Variants in MRPL13 observed in about 807,000 individuals in gnomAD.
MRPL13 encodes the protein large ribosomal subunit protein uL13m.
Under a neutral mutation model 29.0 loss-of-function variants are expected in MRPL13, and 33 were observed. That is an observed-to-expected ratio of 1.14 (90% CI 0.86 to 1.52). The LOEUF (loss-of-function observed/expected upper bound fraction) is 1.52. Ranked by LOEUF, MRPL13 falls within the 40% of genes most tolerant of loss-of-function variation. The probability of loss-of-function intolerance (pLI) is 0.00; values close to 1 mark genes in which losing one functional copy is unlikely to be tolerated. For missense variants in MRPL13, 227 were observed against 216.7 expected (o/e 1.05, Z -0.30); for synonymous variants, 77 against 68.4 (o/e 1.13, Z -0.62).
intron 6 of MRPL13, among the ~76,000 whole-genome samples, chr8:120,405,932 G>A (rs912774828): frequency 6.6e-6 from 1 of 152,052 alleles, no homozygotes; most frequent in Non-Finnish European, 1.5e-5. Context: ...TAAATGAAAC[G>A]GCTTAATCTT....
At chr8:120,425,258 T>C (rs776082472) in intron 4 of MRPL13, 48 bp downstream of exon 4, 1 of 1,401,454 alleles carries the variant, frequency 7.1e-7, no homozygotes, top group East Asian at 2.3e-5. Flanking sequence ...AAACAGTATC[T>C]GAATTGGTCT....
rs55919521 is a variant in MRPL13 at position 120,407,648 on chromosome 8, TAAAACAAAACAAAACAAAAC to T, written c.515+6323_515+6342del. Among the ~76,000 whole-genome samples, 107 of 146,244 alleles carry T rather than the reference TAAAACAAAACAAAACAAAAC, an allele frequency of 7.3e-4. 1 individual carries two copies. The highest frequency in any genetic ancestry group is 2.5e-3 in the African/African-American group (97 of 39,098). ...TGGGCAAAAAGAGCAAAACTCCATC[TAAAACAAAACAAAACAAAAC>T]AAAACAAAACAAAACAAAACAAAAC... On this transcript the variant is annotated intron_variant, in intron 6 of 6. Transcript: ENST00000306185.
At chr8:120,429,378 A>G (rs1039139846) in intron 3 of MRPL13, among the ~76,000 whole-genome samples, 1 of 152,148 alleles carries the variant, frequency 6.6e-6, no homozygotes, top group Non-Finnish European at 1.5e-5. Context: ...AGAGAGGAAA[A>G]TAACTAATGG....
At chr8:120,432,186 T>G in intron 2 of MRPL13, 63 bp from the exon 3 acceptor site, 1 of 1,259,698 alleles carries the variant, frequency 7.9e-7, no homozygotes, top group Non-Finnish European at 1.1e-6. Context: ...AAAGTGGCCT[T>G]GGTTATTTAT....
At chr8:120,425,219 T>C in intron 4 of MRPL13, 87 bp downstream of exon 4, 3 of 998,408 alleles carry the variant, frequency 3.0e-6, no homozygotes, top group Non-Finnish European at 4.6e-6. Context: ...ATGCTAACTA[T>C]ATTAAAATAA....
chr8:120,405,749 CA>C (rs1474518270), intron 6 of MRPL13, among the ~76,000 whole-genome samples: 1 of 152,114 alleles, frequency 6.6e-6, no homozygotes, highest in Non-Finnish European at 1.5e-5. Context: ...GTTGGTAACC[CA>C]TATATGGTAA....
intron 6 of MRPL13, among the ~76,000 whole-genome samples, chr8:120,400,977 C>G (rs979095616): frequency 6.6e-6 from 1 of 152,044 alleles, no homozygotes. Context: ...CCTGAATAGA[C>G]CCATAATTCT....
intron 4 of MRPL13, among the ~76,000 whole-genome samples, chr8:120,420,270 C>T (rs1812854411): frequency 6.6e-6 from 1 of 151,140 alleles, no homozygotes; most frequent in Admixed American, 6.6e-5. Flanking sequence ...CCCACTAAAA[C>T]AATACATGTT....
chr8:120,426,489 T>C (rs1193915144), intron 3 of MRPL13, among the ~76,000 whole-genome samples: 1 of 152,136 alleles, frequency 6.6e-6, no homozygotes, highest in Non-Finnish European at 1.5e-5. Context: ...CTGCATTCTT[T>C]CTCTCCATGG....
At position 120,438,712 on chromosome 8, in the gene MRPL13, G is replaced by C. The variant is rs1813082679; in HGVS notation, c.151+4473C>G. 2.0e-5 allele frequency among the ~76,000 whole-genome samples: 3 copies of C among 152,204 alleles called. No individual in the cohort carries two copies. The South Asian group carries it at 6.2e-4, about 31-fold the overall frequency. The stretch of plus-strand genomic sequence containing the variant: ...AGTGGTTAAGAATCACCAGACTGAA[G>C]TGGAATGGGGAATTTCCTACATAAG... On this transcript the variant is annotated intron_variant, in intron 2 of 6. Coordinates refer to ENST00000306185, the MANE Select transcript of MRPL13 (RefSeq NM_014078.6).
chr8:120,396,087 C>A lies in MRPL13; in HGVS notation c.*17G>T. 6.3e-7 allele frequency: 1 copy of A among 1,579,848 alleles called. No homozygotes were observed. Among genetic ancestry groups the A allele is most frequent in the South Asian group, 1.1e-5 (1 of 87,050 alleles). ...GTTTCAATCACTTCACTGTTATTTT[C>A]TGCAATTCTTATTCTCTTATAGCCG... is the stretch of plus-strand genomic sequence containing the variant. On this transcript the variant is annotated 3_prime_UTR_variant, in exon 7 of 7. Coordinates refer to ENST00000306185, the MANE Select transcript of MRPL13 (RefSeq NM_014078.6).
At chr8:120,427,280 G>A (rs1235376790) in intron 3 of MRPL13, among the ~76,000 whole-genome samples, 1 of 152,126 alleles carries the variant, frequency 6.6e-6, no homozygotes, top group Non-Finnish European at 1.5e-5. Flanking sequence ...AGATAATACT[G>A]TGCCTGCACA....
rs560904904 is a variant in MRPL13 at position 120,437,830 on chromosome 8, A to T, written c.151+5355T>A. Reference sequence around the variant, plus strand: ...TTTTACAACCATTTGTAGAACAATGATCATCATTTGTAATATTATTTTTCT... The same window carrying T: ...TTTTACAACCATTTGTAGAACAATGTTCATCATTTGTAATATTATTTTTCT... On this transcript the variant is annotated intron_variant, in intron 2 of 6. Coordinates refer to ENST00000306185, the MANE Select transcript of MRPL13 (RefSeq NM_014078.6). Among the ~76,000 whole-genome samples the T allele has an allele frequency of 5.9e-5, 9 of 152,292 alleles. No homozygotes were observed. In the South Asian group the frequency reaches 1.9e-3, roughly 32 times the overall value.
rs535022840 is a variant in MRPL13 at position 120,400,091 on chromosome 8, A to G, written c.516-3966T>C. On this transcript the variant is annotated intron_variant, in intron 6 of 6. Transcript: ENST00000306185. ...GACAGATCATTGGGACAGAAAATTA[A>G]CAAAGATATTCAGGACCTGAACTCA... 1.7e-3 allele frequency among the ~76,000 whole-genome samples: 253 copies of G among 152,294 alleles called. 6 individuals carry two copies. The South Asian group carries it at 0.051, about 30-fold the overall frequency.
At chr8:120,440,021 T>C (rs1813100054) in intron 2 of MRPL13, among the ~76,000 whole-genome samples, 1 of 152,238 alleles carries the variant, frequency 6.6e-6, no homozygotes, top group Admixed American at 6.5e-5. Context: ...GAAGCACTAC[T>C]ACAGGTACTG....
At chr8:120,406,339 TTAAG>T (rs1812667494) in intron 6 of MRPL13, among the ~76,000 whole-genome samples, 2 of 152,250 alleles carry the variant, frequency 1.3e-5, no homozygotes, top group Non-Finnish European at 2.9e-5. Flanking sequence ...TAGACAAGAT[TTAAG>T]TAAGGAGCAA....
chr8:120,412,416 T>A (rs1812749519), intron 6 of MRPL13, among the ~76,000 whole-genome samples: 5 of 152,220 alleles, frequency 3.3e-5, no homozygotes, highest in Admixed American at 3.3e-4. Flanking sequence ...ACACTTCAAG[T>A]GTGCTAAGTT....
At chr8:120,398,777 C>T (rs559588346) in intron 6 of MRPL13, among the ~76,000 whole-genome samples, 23 of 152,252 alleles carry the variant, frequency 1.5e-4, no homozygotes, top group African/African-American at 5.5e-4. Context: ...CAGGAGCCAA[C>T]AGCCAGAATA....
intron 6 of MRPL13, among the ~76,000 whole-genome samples, chr8:120,407,357 T>G (rs10098378): frequency 0.95 from 144,969 of 152,256 alleles, 69,030 homozygotes; most frequent in East Asian, 1. Flanking sequence ...TTATGCTACA[T>G]TAAGATAAGT....
Sources: allele counts gnomAD v4.1 joint callset (sites outside exome capture counted in the v4.1 genomes callset), GRCh38; gene constraint gnomAD v4.1.1; transcripts MANE v1.5; gene names NCBI Gene and HGNC (gene_info 2026-07-23, HGNC 2026-07-21).